Variants in ARFGEF3 observed in about 807,000 individuals in gnomAD.
ARFGEF3 encodes the protein brefeldin A-inhibited guanine nucleotide-exchange protein 3.
A neutral mutation model predicts 221.7 loss-of-function variants in ARFGEF3; 96 were observed. The ratio of observed to expected loss-of-function variants is 0.43; its 90% CI spans 0.37 to 0.51. The LOEUF (loss-of-function observed/expected upper bound fraction) is 0.51, where lower values mean the gene tolerates loss of function less well. Among genes scored for constraint, ARFGEF3 ranks in the 20% least tolerant of loss-of-function variants. The pLI is 0.00. For missense variants in ARFGEF3, 2,410 were observed against 2,789.9 expected (o/e 0.86, Z 3.07); for synonymous variants, 1,145 against 1,126.8 (o/e 1.02, Z -0.32).
At chr6:138,205,498 C>T (rs1335165048) in intron 2 of ARFGEF3, among the ~76,000 whole-genome samples, 1 of 152,114 alleles carries the variant, frequency 6.6e-6, no homozygotes, top group African/African-American at 2.4e-5. Context: ...TTCATACCTC[C>T]GTTTAATTTT....
intron 2 of ARFGEF3, among the ~76,000 whole-genome samples, chr6:138,185,415 A>C (rs1191098673): frequency 6.6e-6 from 1 of 152,128 alleles, no homozygotes; most frequent in African/African-American, 2.4e-5. Flanking sequence ...ACCCTAACTG[A>C]TGCACCCTCC....
intron 25 of ARFGEF3, among the ~76,000 whole-genome samples, chr6:138,313,360 T>C (rs1357600194): frequency 6.6e-6 from 1 of 152,178 alleles, no homozygotes. Flanking sequence ...CTCTTGCCCC[T>C]GTGTTTCTTC....
intron 2 of ARFGEF3, among the ~76,000 whole-genome samples, chr6:138,186,902 C>CTTTTTTTTTTTTTTTTT (rs71693484): frequency 1.3e-5 from 1 of 76,002 alleles, no homozygotes; most frequent in Non-Finnish European, 2.3e-5. Context: ...CATCCTTTTT[C>CTTTTTTTTTTTTTTTTT]TTTTTTTTTT....
At chr6:138,172,260 G>T (rs559836368) in intron 2 of ARFGEF3, among the ~76,000 whole-genome samples, 1 of 152,214 alleles carries the variant, frequency 6.6e-6, no homozygotes, top group Non-Finnish European at 1.5e-5. Flanking sequence ...AGCTGTGAAG[G>T]CATGGATAGT....
In ARFGEF3 at chr6:138,170,702, A is replaced by G. The variant is rs1361156738; in HGVS notation, c.126A>G (p.Pro42=). 21 of 1,579,838 alleles carry G rather than the reference A, an allele frequency of 1.3e-5. No homozygotes were observed. Among genetic ancestry groups the G allele is most frequent in the Non-Finnish European group, 1.7e-5 (19 of 1,149,130 alleles). The part of the protein sequence containing the change: ...GGLDTIVKIP[P]HVLREKCLLP... ...TGGATACCATTGTCAAGATCCCTCC[A>G]CATGTACTGAGGTAGGAGATGGACA... Residue 42 remains proline (P), a synonymous_variant, in exon 2 of 34, where the codon CCA becomes CCG. Coordinates refer to ENST00000251691, the MANE Select transcript of ARFGEF3 (RefSeq NM_020340.5).
intron 4 of ARFGEF3, among the ~76,000 whole-genome samples, chr6:138,212,715 T>C (rs1002605782): frequency 9.2e-5 from 14 of 152,216 alleles, no homozygotes; most frequent in Non-Finnish European, 1.6e-4. Context: ...GATGAGTTCA[T>C]GTCCTTTGCA....
chr6:138,229,705 A>C, intron 4 of ARFGEF3, 79 bp from the exon 5 acceptor site: 1 of 1,101,768 alleles, frequency 9.1e-7, no homozygotes, highest in Non-Finnish European at 1.4e-6. Context: ...ACAGGACTGC[A>C]CAAATGGCAT....
chr6:138,287,312 T>TG (rs1380501029), intron 17 of ARFGEF3, 128 bp downstream of exon 17: 1 of 667,046 alleles, frequency 1.5e-6, no homozygotes, highest in African/African-American at 1.8e-5. Flanking sequence ...TATACACCAC[T>TG]GATCACGAGA....
At chr6:138,217,667 C>CT (rs1777895966) in intron 4 of ARFGEF3, 1 of 245,948 alleles carries the variant, frequency 4.1e-6, no homozygotes, top group Non-Finnish European at 7.7e-6. Flanking sequence ...TGGCACATGG[C>CT]TTACTAATTG....
chr6:138,334,810 G>C lies in ARFGEF3; in HGVS notation c.5964G>C (p.Leu1988=). The change falls in exon 33 of 34, where the codon CTG becomes CTC. Residue 1988 remains leucine, a synonymous_variant. Coordinates refer to ENST00000251691, the MANE Select transcript of ARFGEF3 (RefSeq NM_020340.5). The surrounding 1 kb of genome is among the most constrained non-coding windows in gnomAD (Gnocchi z 5.1). The stretch of plus-strand genomic sequence containing the variant: ...AGGCCGGTGGTGGGGACCTGCTGCT[G>C]CCCCCCAGCCCCAAAGTGGAGAAGA... ...SLKAGGGDLL[L]PPSPKVEKKD... 1 of 1,601,914 alleles carries C rather than the reference G, an allele frequency of 6.2e-7. No individual in the cohort carries two copies. Among genetic ancestry groups the C allele is most frequent in the Non-Finnish European group, 8.5e-7 (1 of 1,174,588 alleles).
Sources: allele counts gnomAD v4.1 joint callset (sites outside exome capture counted in the v4.1 genomes callset), GRCh38; gene constraint gnomAD v4.1.1; non-coding constraint Gnocchi (gnomAD v3.1); transcripts MANE v1.5; gene names NCBI Gene and HGNC (gene_info 2026-07-23, HGNC 2026-07-21).